NEDD9: variants seen among roughly 807,000 people sequenced by gnomAD.
The protein encoded by NEDD9 is neural precursor cell expressed, developmentally down-regulated 9, also known as enhancer of filamentation 1.
A neutral mutation model predicts 76.6 loss-of-function variants in NEDD9; 26 were observed. The observed-to-expected ratio is 0.34, with a 90% CI of 0.25 to 0.47. NEDD9 has a LOEUF of 0.47. Ranked by LOEUF, NEDD9 falls within the 20% of genes least tolerant of loss-of-function variation. NEDD9 has a pLI of 1.00. For missense variants in NEDD9, 937 were observed against 1,058.5 expected, an observed-to-expected ratio of 0.89 and a Z score of 1.59; for synonymous variants, 392 against 414.2, an observed-to-expected ratio of 0.95 and a Z score of 0.65.
At chr6:11,254,913 G>A (rs1173282664) in intron 3 of NEDD9, among the ~76,000 whole-genome samples, 1 of 152,164 alleles carries the variant, frequency 6.6e-6, no homozygotes, top group Admixed American at 6.5e-5. Flanking sequence ...TTCACAAGTG[G>A]TATTTCAGTT....
intron 1 of NEDD9, among the ~76,000 whole-genome samples, chr6:11,342,307 A>T (rs1441897294): frequency 6.6e-6 from 1 of 152,156 alleles, no homozygotes; most frequent in East Asian, 1.9e-4. Context: ...GCTTCCCAAA[A>T]TTTTAAAAAA....
At chr6:11,311,465 A>G (rs1379176375) in intron 2 of NEDD9, among the ~76,000 whole-genome samples, 2 of 152,198 alleles carry the variant, frequency 1.3e-5, no homozygotes, top group Admixed American at 6.5e-5. Flanking sequence ...ATTTCTGTTT[A>G]AGCCCTGCAG....
At chr6:11,253,464 A>G (rs938512634) in intron 3 of NEDD9, among the ~76,000 whole-genome samples, 1 of 152,154 alleles carries the variant, frequency 6.6e-6, no homozygotes, top group Non-Finnish European at 1.5e-5. Context: ...ATTGCTGGAG[A>G]ATATTTGCCT....
At chr6:11,357,872 G>A (rs946864579) in intron 1 of NEDD9, among the ~76,000 whole-genome samples, 5 of 152,146 alleles carry the variant, frequency 3.3e-5, no homozygotes, top group Admixed American at 2.0e-4. Context: ...GTGAGTCTGC[G>A]GTGATGAGTG....
At chr6:11,202,902 G>A (rs1758494477) in intron 2 of NEDD9, among the ~76,000 whole-genome samples, 2 of 152,184 alleles carry the variant, frequency 1.3e-5, no homozygotes, top group Admixed American at 1.3e-4. Context: ...CCCCAGTGAG[G>A]AAAAAGTCAC....
chr6:11,257,272 A>G (rs77799006), intron 3 of NEDD9, among the ~76,000 whole-genome samples: 3,560 of 152,326 alleles, frequency 0.023, 78 homozygotes, highest in East Asian at 0.14. Context: ...ATTAGATGCC[A>G]GTAGCACCCA....
intron 1 of NEDD9, among the ~76,000 whole-genome samples, chr6:11,364,450 C>T (rs944655523): frequency 1.3e-5 from 2 of 152,064 alleles, no homozygotes; most frequent in Admixed American, 1.3e-4. Context: ...TTGGGAATTC[C>T]CCCCAAAGGT....
At chr6:11,263,149 G>A (rs74772748) in intron 3 of NEDD9, among the ~76,000 whole-genome samples, 8,081 of 152,258 alleles carry the variant, frequency 0.053, 216 homozygotes, top group Middle Eastern at 0.13. Flanking sequence ...CAGGGGATAT[G>A]TTCCAGATAA....
At chr6:11,214,236 T>C in intron 1 of NEDD9, 1 of 516,220 alleles carries the variant, frequency 1.9e-6, no homozygotes, top group Non-Finnish European at 3.9e-6. Flanking sequence ...AGTACACATA[T>C]ATATGCCTTG....
chr6:11,267,346 T>A (rs1047184602), intron 3 of NEDD9, among the ~76,000 whole-genome samples: 4 of 151,722 alleles, frequency 2.6e-5, no homozygotes, highest in Non-Finnish European at 4.4e-5. Flanking sequence ...ATGAACTGAA[T>A]TCTTGGTCTG....
At chr6:11,286,448 A>C (rs922137108) in intron 3 of NEDD9, among the ~76,000 whole-genome samples, 2 of 152,220 alleles carry the variant, frequency 1.3e-5, no homozygotes, top group African/African-American at 4.8e-5. Context: ...TGATCATATA[A>C]TCTAGTCATT....
intron 2 of NEDD9, among the ~76,000 whole-genome samples, chr6:11,314,044 A>G (rs769365854): frequency 6.6e-6 from 1 of 152,166 alleles, no homozygotes; most frequent in Non-Finnish European, 1.5e-5. Flanking sequence ...TTGTTATAGG[A>G]CTTACTAACA....
At chr6:11,212,287 T>C (rs1758804791) in intron 2 of NEDD9, among the ~76,000 whole-genome samples, 1 of 152,194 alleles carries the variant, frequency 6.6e-6, no homozygotes. Context: ...TGCCAGCAAA[T>C]GAAAGAGAAA....
At chr6:11,288,235 C>A (rs935950716) in intron 3 of NEDD9, among the ~76,000 whole-genome samples, 1 of 152,202 alleles carries the variant, frequency 6.6e-6, no homozygotes, top group Admixed American at 6.5e-5. Context: ...TACTGCCTGT[C>A]CAGCTGCATG....
At chr6:11,275,026 A>G (rs756759228) in intron 3 of NEDD9, among the ~76,000 whole-genome samples, 5 of 152,244 alleles carry the variant, frequency 3.3e-5, no homozygotes, top group East Asian at 1.9e-4. Context: ...AGATGAATAA[A>G]GAAAACGCAG....
At position 11,349,758 on chromosome 6, in the gene NEDD9, G is replaced by A. The variant is rs60049709; in HGVS notation, c.-213-15197C>T. Among the ~76,000 whole-genome samples, 501 of 152,262 alleles carry A rather than the reference G, an allele frequency of 3.3e-3. 17 individuals carry two copies. In the East Asian group the frequency reaches 0.082, roughly 25 times the overall value. ...TAGATGTGGGGAAACAACACACACT[G>A]GGAACTAACTGAGGGTGGAGGGTGA... is the stretch of plus-strand genomic sequence containing the variant. On this transcript the variant is annotated intron_variant, in intron 1 of 3. Coordinates refer to the NEDD9 transcript ENST00000397378.
chr6:11,334,409 G>A (rs746656325), intron 2 of NEDD9: 5 of 152,296 alleles, frequency 3.3e-5, no homozygotes, highest in African/African-American at 2.4e-5. Flanking sequence ...AACTGAATTT[G>A]TACAAATCGG....
rs183512543 is a variant in NEDD9 at position 11,200,886 on chromosome 6, A to T, written c.460-7194T>A. Reference sequence around the variant, plus strand: ...GAAAATGTGTTTTTCCAAGTCTAGGAGATGAAGATATTTATCCAAGAGAAA... The same window carrying T: ...GAAAATGTGTTTTTCCAAGTCTAGGTGATGAAGATATTTATCCAAGAGAAA... On this transcript the variant is annotated intron_variant, in intron 2 of 6. Coordinates refer to ENST00000379446, the MANE Select transcript of NEDD9 (RefSeq NM_006403.4). 1.8e-5 allele frequency: 29 copies of T among 1,606,582 alleles called. No homozygotes were observed. In the African/African-American group the frequency reaches 3.3e-4, roughly 19 times the overall value.
intron 2 of NEDD9, among the ~76,000 whole-genome samples, chr6:11,322,481 G>A (rs1422869643): frequency 6.6e-6 from 1 of 152,164 alleles, no homozygotes; most frequent in Non-Finnish European, 1.5e-5. Context: ...TCGTGGGTGT[G>A]GAGTTTTGGA....
Sources: allele counts gnomAD v4.1 joint callset (sites outside exome capture counted in the v4.1 genomes callset), GRCh38; gene constraint gnomAD v4.1.1; transcripts MANE v1.5; gene names NCBI Gene and HGNC (gene_info 2026-07-23, HGNC 2026-07-21).